SEMA6D: variants seen among roughly 807,000 people sequenced by gnomAD.
SEMA6D encodes the protein semaphorin-6D.
SEMA6D carries 35 observed loss-of-function variants against 106.6 expected under a neutral mutation model. That is an observed-to-expected ratio of 0.33 (90% CI 0.25 to 0.44). The LOEUF (loss-of-function observed/expected upper bound fraction) is 0.44, where lower values mean the gene tolerates loss of function less well. SEMA6D is among the 20% of genes least tolerant of loss of function. The pLI is 1.00. For missense variants in SEMA6D, 1,185 were observed against 1,345.9 expected (o/e 0.88, Z 1.87); for synonymous variants, 499 against 487.7 (o/e 1.02, Z -0.31).
At chr15:47,495,977 A>G (rs1388295702) in intron 3 of SEMA6D, among the ~76,000 whole-genome samples, 2 of 152,076 alleles carry the variant, frequency 1.3e-5, no homozygotes, top group Non-Finnish European at 1.5e-5. Flanking sequence ...TATTTCTTTT[A>G]TAGACACACT....
chr15:47,308,973 T>C (rs2036336443), intron 1 of SEMA6D, among the ~76,000 whole-genome samples: 1 of 152,232 alleles, frequency 6.6e-6, no homozygotes. Context: ...GCCAAGTCTC[T>C]TAACATCTTC....
chr15:47,588,225 A>G (rs2076377922), intron 3 of SEMA6D, among the ~76,000 whole-genome samples: 2 of 152,170 alleles, frequency 1.3e-5, no homozygotes, highest in Admixed American at 6.5e-5. Context: ...TCACTCTCCA[A>G]GATTTCCTGC....
intron 4 of SEMA6D, among the ~76,000 whole-genome samples, chr15:47,711,894 T>C (rs895693312): frequency 6.6e-6 from 1 of 152,224 alleles, no homozygotes; most frequent in Non-Finnish European, 1.5e-5. Flanking sequence ...ATCAGCTCCC[T>C]GTACCTATAA....
At chr15:47,566,653 T>A (rs1046986288) in intron 3 of SEMA6D, among the ~76,000 whole-genome samples, 1 of 152,242 alleles carries the variant, frequency 6.6e-6, no homozygotes, top group African/African-American at 2.4e-5. Context: ...AAATCTGGAC[T>A]GTACCACTTA....
chr15:47,396,031 A>G (rs1219465585), intron 1 of SEMA6D, among the ~76,000 whole-genome samples: 1 of 152,132 alleles, frequency 6.6e-6, no homozygotes, highest in Non-Finnish European at 1.5e-5. Context: ...TTATAAGAAG[A>G]GGAAGAGACA....
chr15:47,725,348 G>A (rs2079675911), intron 1 of SEMA6D, among the ~76,000 whole-genome samples: 1 of 152,204 alleles, frequency 6.6e-6, no homozygotes, highest in Non-Finnish European at 1.5e-5. Context: ...ATCATGGCTG[G>A]TAAACTGAAA....
At chr15:47,257,060 C>CT (rs531171004) in intron 1 of SEMA6D, among the ~76,000 whole-genome samples, 60,007 of 137,652 alleles carry the variant, frequency 0.44, 14,437 homozygotes, top group Non-Finnish European at 0.55. Context: ...GAACAGAATT[C>CT]TTTTTTTTTT....
At chr15:47,232,397 T>G (rs1321131114) in intron 1 of SEMA6D, among the ~76,000 whole-genome samples, 1 of 151,994 alleles carries the variant, frequency 6.6e-6, no homozygotes, top group African/African-American at 2.4e-5. Context: ...TAACTCCATG[T>G]TGAAAGTTTT....
intron 4 of SEMA6D, among the ~76,000 whole-genome samples, chr15:47,622,796 G>C (rs574673815): frequency 6.6e-6 from 1 of 152,148 alleles, no homozygotes; most frequent in Non-Finnish European, 1.5e-5. Context: ...TTTCAAAGGC[G>C]TGCAGGGGTT....
chr15:47,460,352 G>T (rs1289056703), intron 2 of SEMA6D, among the ~76,000 whole-genome samples: 1 of 152,008 alleles, frequency 6.6e-6, no homozygotes, highest in African/African-American at 2.4e-5. Flanking sequence ...CAACAAGAAG[G>T]GGCAAATCAT....
intron 2 of SEMA6D, among the ~76,000 whole-genome samples, chr15:47,460,729 T>A (rs1160567099): frequency 6.6e-6 from 1 of 152,110 alleles, no homozygotes; most frequent in African/African-American, 2.4e-5. Context: ...TAAACTATAA[T>A]AGAATCATCA....
At chr15:47,688,035 A>G (rs909135127) in intron 4 of SEMA6D, among the ~76,000 whole-genome samples, 1 of 152,206 alleles carries the variant, frequency 6.6e-6, no homozygotes, top group African/African-American at 2.4e-5. Flanking sequence ...ATGAGGTCCA[A>G]ACTAACTTAA....
intron 4 of SEMA6D, among the ~76,000 whole-genome samples, chr15:47,614,280 C>G (rs1454470512): frequency 1.3e-5 from 2 of 152,218 alleles, no homozygotes; most frequent in African/African-American, 4.8e-5. Context: ...TTCGCAGTGT[C>G]CATTGCAAAC....
intron 1 of SEMA6D, among the ~76,000 whole-genome samples, chr15:47,721,181 G>A (rs1317945257): frequency 6.6e-6 from 1 of 152,212 alleles, no homozygotes; most frequent in East Asian, 1.9e-4. Flanking sequence ...TGGGAAAACA[G>A]ACCTTTTGAC....
chr15:47,610,995 C>G (rs1012841862), intron 4 of SEMA6D, among the ~76,000 whole-genome samples: 1 of 152,150 alleles, frequency 6.6e-6, no homozygotes, highest in Non-Finnish European at 1.5e-5. Flanking sequence ...TGGCAAATGG[C>G]ACACAAATGA....
intron 1 of SEMA6D, among the ~76,000 whole-genome samples, chr15:47,233,760 AT>A (rs1262998574): frequency 1.3e-5 from 2 of 151,902 alleles, no homozygotes; most frequent in Non-Finnish European, 2.9e-5. Flanking sequence ...TTGTATGTCG[AT>A]TTTGTATCCT....
chr15:47,657,719 C>CTTTTTTTTTTTTTTTTTTTTT (rs71118191), intron 4 of SEMA6D, among the ~76,000 whole-genome samples: 4 of 54,676 alleles, frequency 7.3e-5, no homozygotes, highest in Non-Finnish European at 9.5e-5. Flanking sequence ...GGCTTCATTT[C>CTTTTTTTTTTTTTTTTTTTTT]TTTTTTTTTT....
At chr15:47,199,853 C>A (rs2141056530) in intron 1 of SEMA6D, among the ~76,000 whole-genome samples, 1 of 152,194 alleles carries the variant, frequency 6.6e-6, no homozygotes, top group Non-Finnish European at 1.5e-5. Flanking sequence ...TTACCAAATT[C>A]ATACTGTGCA....
At chr15:47,762,976 T>C in intron 8 of SEMA6D, 40 bp from the exon 9 acceptor site, 1 of 1,494,564 alleles carries the variant, frequency 6.7e-7, no homozygotes, top group Non-Finnish European at 9.2e-7. Context: ...CTAATTGAAT[T>C]ATCCTTTAGG....
Sources: gnomAD v4.1 joint callset for allele counts (sites outside exome capture counted in the v4.1 genomes callset) on GRCh38, gnomAD v4.1.1 for gene constraint, MANE v1.5 for transcripts, NCBI Gene and HGNC (gene_info 2026-07-23, HGNC 2026-07-21) for gene names.